SGTB: variants seen among roughly 807,000 people sequenced by gnomAD.
SGTB encodes small glutamine-rich tetratricopeptide repeat-containing protein beta.
SGTB carries 19 observed loss-of-function variants against 43.9 expected under a neutral mutation model. That is an observed-to-expected ratio of 0.43 (90% CI 0.30 to 0.63). The LOEUF is 0.63. SGTB is among the 30% of genes least tolerant of loss of function. SGTB has a pLI of 0.12. For synonymous variants in SGTB, 116 were observed against 117.3 expected, an observed-to-expected ratio of 0.99 and a Z score of 0.07; for missense variants, 304 against 358.9, an observed-to-expected ratio of 0.85 and a Z score of 1.24.
At chr5:65,671,377 T>G (rs867311427) in intron 10 of SGTB, among the ~76,000 whole-genome samples, 1 of 152,170 alleles carries the variant, frequency 6.6e-6, no homozygotes, top group Middle Eastern at 3.4e-3. Context: ...TACCCCCACT[T>G]AAAAACCAAG....
chr5:65,703,355 C>A (rs1406192444), intron 5 of SGTB, among the ~76,000 whole-genome samples: 1 of 152,072 alleles, frequency 6.6e-6, no homozygotes, highest in Admixed American at 6.5e-5. Context: ...TTATGAAAGA[C>A]TGCAATAAAA....
At chr5:65,688,275 C>A (rs1440793380) in intron 5 of SGTB, among the ~76,000 whole-genome samples, 4 of 152,126 alleles carry the variant, frequency 2.6e-5, no homozygotes, top group African/African-American at 9.7e-5. Flanking sequence ...GGTCTTATAT[C>A]TAATTCATTA....
intron 2 of SGTB, among the ~76,000 whole-genome samples, chr5:65,719,163 A>C (rs369243263): frequency 1.1e-4 from 17 of 152,318 alleles, no homozygotes; most frequent in African/African-American, 3.8e-4. Flanking sequence ...CAAATGCCCA[A>C]TTTTCATCTC....
upstream of SGTB, chr5:65,722,211 C>CGGCGT (rs1323473188): frequency 5.5e-6 from 2 of 361,984 alleles, no homozygotes; most frequent in Admixed American, 9.9e-5. Context: ...TGGTAGGCGC[C>CGGCGT]GGCGTGGAGC....
At chr5:65,672,583 A>G (rs1422150001) in intron 8 of SGTB, among the ~76,000 whole-genome samples, 2 of 152,220 alleles carry the variant, frequency 1.3e-5, no homozygotes, top group Non-Finnish European at 2.9e-5. Context: ...TAGGAACTTT[A>G]AAAGTATGGT....
At chr5:65,712,872 T>C (rs901335610) in intron 3 of SGTB, 89 bp downstream of exon 3, 30 of 909,486 alleles carry the variant, frequency 3.3e-5, no homozygotes, top group Admixed American at 3.1e-4. Context: ...AGTTAATTAC[T>C]CATATACCTG....
intron 5 of SGTB, among the ~76,000 whole-genome samples, chr5:65,696,511 T>C (rs1757717754): frequency 6.6e-6 from 1 of 152,228 alleles, no homozygotes; most frequent in South Asian, 2.1e-4. Flanking sequence ...GAATGGCTGG[T>C]TGCTTCAGTA....
intron 5 of SGTB, among the ~76,000 whole-genome samples, chr5:65,685,826 TTGCTG>T (rs1181241332): frequency 6.6e-6 from 1 of 152,242 alleles, no homozygotes; most frequent in Non-Finnish European, 1.5e-5. Context: ...GAGTGAGTTA[TTGCTG>T]TGAATGGCTA....
At chr5:65,705,240 C>A (rs557225126) in intron 4 of SGTB, among the ~76,000 whole-genome samples, 1 of 101,360 alleles carries the variant, frequency 9.9e-6, no homozygotes, top group East Asian at 2.7e-4. Flanking sequence ...GCCAGGAGTT[C>A]GAGTCCAGCC....
intron 2 of SGTB, among the ~76,000 whole-genome samples, chr5:65,718,448 A>G (rs1186376576): frequency 1.3e-5 from 2 of 152,230 alleles, no homozygotes; most frequent in Non-Finnish European, 2.9e-5. Context: ...CAATCAGTAT[A>G]TTGCAATTGC....
At chr5:65,696,778 A>C (rs1757723577) in intron 5 of SGTB, among the ~76,000 whole-genome samples, 1 of 152,248 alleles carries the variant, frequency 6.6e-6, no homozygotes, top group South Asian at 2.1e-4. Context: ...TATGTTTACA[A>C]GGAAGGATTC....
intron 8 of SGTB, among the ~76,000 whole-genome samples, chr5:65,675,949 G>A (rs1757257235): frequency 6.6e-6 from 1 of 152,072 alleles, no homozygotes; most frequent in Non-Finnish European, 1.5e-5. Context: ...AAAATAACCA[G>A]CTAGCATCAT....
chr5:65,681,506 A>T (rs1168699104), intron 6 of SGTB, among the ~76,000 whole-genome samples: 1 of 152,192 alleles, frequency 6.6e-6, no homozygotes, highest in East Asian at 1.9e-4. Flanking sequence ...TGTTTTAAAC[A>T]AATTACTGTT....
chr5:65,670,052 AGTTT>A lies in SGTB; in HGVS notation c.*190_*193del, dbSNP rs1372671456. On this transcript the variant is annotated 3_prime_UTR_variant, in exon 11 of 11. Transcript: ENST00000381007. ...TCAAAAGGAGTCATGTTATGTTTTG[AGTTT>A]GTTTGTGATAAACCTATTGTCTAAA... The A allele has an allele frequency of 1.4e-5, 7 of 509,290 alleles. No homozygotes were observed. The highest frequency in any genetic ancestry group is 7.8e-5 in the African/African-American group (4 of 51,196). 31.5% of individuals were successfully genotyped at this position (509,290 alleles called of 1,614,324 possible). A position where few individuals can be genotyped will look rare whatever the true frequency, so the allele number is the denominator to read the frequency against.
rs767544656 is a variant in SGTB, at chr5:65,680,643, A to G, written c.618+13T>C. The G allele has an allele frequency of 1.2e-6, 2 of 1,613,986 alleles. No homozygotes were observed. Among genetic ancestry groups the G allele is most frequent in the Admixed American group, 3.3e-5 (2 of 60,006 alleles). On this transcript the variant is annotated intron_variant, in intron 7 of 10. Coordinates refer to ENST00000381007, the MANE Select transcript of SGTB (RefSeq NM_019072.3). ...ACAGAAAATACTTCACTCATTTGGC[A>G]TTAACAACTTACAGGACTGGATACC...
intron 5 of SGTB, among the ~76,000 whole-genome samples, chr5:65,688,849 G>A (rs889734801): frequency 2.6e-5 from 4 of 152,032 alleles, no homozygotes; most frequent in African/African-American, 9.7e-5. Context: ...TTGCTCTGTC[G>A]CCCAGGCTGC....
At chr5:65,696,367 G>T (rs1757714603) in intron 5 of SGTB, among the ~76,000 whole-genome samples, 1 of 152,182 alleles carries the variant, frequency 6.6e-6, no homozygotes, top group Admixed American at 6.5e-5. Context: ...AAGTACAAAA[G>T]AAATAAGAAC....
chr5:65,671,988 T>C lies in SGTB; in HGVS notation c.730A>G (p.Met244Val). The change falls in exon 10 of 11, where the codon ATG becomes GTG. Residue 244 changes from methionine (M) to valine (V), a missense_variant. Coordinates refer to ENST00000381007, the MANE Select transcript of SGTB (RefSeq NM_019072.3). The part of the protein sequence containing the change: ...NPQVQQLMSG[M>V]MTNAIGGPAA... ...GGTCCCCCAATGGCATTTGTCATCATTCCTGACATTCTAGAGTACACAAGA... is the reference window on the plus strand; with the variant it reads ...GGTCCCCCAATGGCATTTGTCATCACTCCTGACATTCTAGAGTACACAAGA... 6.2e-7 allele frequency: 1 copy of C among 1,614,022 alleles called. No homozygotes were observed. Among genetic ancestry groups the C allele is most frequent in the African/African-American group, 1.3e-5 (1 of 75,048 alleles).
At chr5:65,690,496 G>C (rs542091576) in intron 5 of SGTB, among the ~76,000 whole-genome samples, 2 of 152,182 alleles carry the variant, frequency 1.3e-5, no homozygotes, top group South Asian at 4.1e-4. Context: ...ACAAAACTCA[G>C]ATTCTCAACT....
Sources: gnomAD v4.1 joint callset for allele counts (sites outside exome capture counted in the v4.1 genomes callset) on GRCh38, gnomAD v4.1.1 for gene constraint, MANE v1.5 for transcripts, NCBI Gene and HGNC (gene_info 2026-07-23, HGNC 2026-07-21) for gene names.